Variants in ITPRIP observed in about 807,000 individuals in gnomAD.
ITPRIP encodes the protein inositol 1,4,5-trisphosphate receptor interacting protein, also known as inositol 1,4,5-trisphosphate receptor-interacting protein.
Under a neutral mutation model 35.8 loss-of-function variants are expected in ITPRIP, and 32 were observed. That is an observed-to-expected ratio of 0.89 (90% confidence interval 0.68 to 1.20). ITPRIP has a LOEUF of 1.20. ITPRIP is among the 50% of genes most tolerant of loss of function. ITPRIP has a pLI of 0.00. For synonymous variants in ITPRIP, 358 were observed against 324.0 expected, an observed-to-expected ratio of 1.11 and a Z score of -1.13; for missense variants, 653 against 735.6, an observed-to-expected ratio of 0.89 and a Z score of 1.30.
rs2013578530 is a variant in ITPRIP, at chr10:104,314,565, C to T, written c.1487G>A (p.Arg496Lys). 3 of 1,614,076 alleles carry T rather than the reference C, an allele frequency of 1.9e-6. No homozygotes were observed. The Admixed American group carries it at 5.0e-5, about 27-fold the overall frequency. Residue 496 changes from arginine to lysine, a missense_variant, in exon 2 of 2, where the codon AGG becomes AAG. Coordinates refer to ENST00000337478, the MANE Select transcript of ITPRIP (RefSeq NM_001272013.2). ...CCGGAAGAGGTTGAGGGGCTCGGCC[C>T]TGAGCACGGCCTCAGGGAGTCCCAT... Reference protein sequence around the residue: ...EAMGLPEAVLRAEPLNLFRPF... With the variant: ...EAMGLPEAVLKAEPLNLFRPF...
intron 1 of ITPRIP, among the ~76,000 whole-genome samples, chr10:104,331,637 T>G (rs954388554): frequency 6.6e-6 from 1 of 152,194 alleles, no homozygotes; most frequent in Non-Finnish European, 1.5e-5. Flanking sequence ...AAGTGAGTCA[T>G]TTGATAATTG....
rs1211332977 is a variant in ITPRIP, at chr10:104,328,668, G to A, written c.-14+9578C>T. Among the ~76,000 whole-genome samples the A allele has an allele frequency of 6.6e-6, 1 of 151,926 alleles. No individual in the cohort carries two copies. Among genetic ancestry groups the A allele is most frequent in the Non-Finnish European group, 1.5e-5 (1 of 67,998 alleles). ...TTTCCCCCTTTCACTGAGAAACTAGGATGGATGGAATTAAATAAAGGGCCA... is the reference window on the plus strand; with the variant it reads ...TTTCCCCCTTTCACTGAGAAACTAGAATGGATGGAATTAAATAAAGGGCCA... On this transcript the variant is annotated intron_variant, in intron 1 of 1. Transcript: ENST00000337478. The surrounding 1 kb of genome is among the most constrained non-coding windows in gnomAD (Gnocchi z 4.1).
chr10:104,315,177 G>A lies in ITPRIP; in HGVS notation c.875C>T (p.Ser292Phe), dbSNP rs536607198. Residue 292 changes from serine to phenylalanine, a missense_variant, in exon 2 of 2, where the codon TCC (serine) becomes TTC (phenylalanine). Physicochemically the swap from Ser to Phe is radical, Grantham distance 155 (BLOSUM62 -2). Coordinates refer to ENST00000337478, the MANE Select transcript of ITPRIP (RefSeq NM_001272013.2). The surrounding 1 kb of genome is among the most constrained non-coding windows in gnomAD (Gnocchi z 5.7). Reference protein sequence around the residue: ...DMENLLCATDSLYLDTMQVMK... With the variant: ...DMENLLCATDFLYLDTMQVMK... ...GACCTGCATCGTGTCCAGGTACAGGGAATCTGTGGCACACAGCAGGTTCTC... is the reference window on the plus strand; with the variant it reads ...GACCTGCATCGTGTCCAGGTACAGGAAATCTGTGGCACACAGCAGGTTCTC... 6.2e-7 allele frequency: 1 copy of A among 1,614,150 alleles called. No homozygotes were observed. The highest frequency in any genetic ancestry group is 8.5e-7 in the Non-Finnish European group (1 of 1,179,998).
chr10:104,318,956 G>A (rs1343088886), intron 1 of ITPRIP, among the ~76,000 whole-genome samples: 4 of 152,286 alleles, frequency 2.6e-5, no homozygotes, highest in African/African-American at 9.6e-5. Context: ...GGGGTTCAGG[G>A]CGGAGTGCGC....
At position 104,314,344 on chromosome 10, in the gene ITPRIP, C is replaced by G; in HGVS notation, c.*64G>C. The G allele has an allele frequency of 6.5e-7, 1 of 1,544,964 alleles. No homozygotes were observed. Among genetic ancestry groups the G allele is most frequent in the Non-Finnish European group, 8.7e-7 (1 of 1,145,756 alleles). On this transcript the variant is annotated 3_prime_UTR_variant, in exon 2 of 2. Coordinates refer to ENST00000337478, the MANE Select transcript of ITPRIP (RefSeq NM_001272013.2). ...CCAGAACAGGGCTGGCAGATGCCAC[C>G]AGGGGTGTGAACGTGAGGGATGCCC...
chr10:104,324,395 A>G (rs2013934629), intron 1 of ITPRIP, among the ~76,000 whole-genome samples: 1 of 152,264 alleles, frequency 6.6e-6, no homozygotes, highest in African/African-American at 2.4e-5. Context: ...AGGGAGGGAC[A>G]GGCAAAGAAA....
Position 104,314,261 on chromosome 10 carries a change from T to C in ITPRIP, c.*147A>G, listed in dbSNP as rs1311933595. 2.0e-6 allele frequency: 3 copies of C among 1,486,890 alleles called. No individual in the cohort carries two copies. Among genetic ancestry groups the C allele is most frequent in the African/African-American group, 2.8e-5 (2 of 71,062 alleles). 92.1% of individuals were successfully genotyped at this position (1,486,890 alleles called of 1,614,324 possible). On this transcript the variant is annotated 3_prime_UTR_variant, in exon 2 of 2. Coordinates refer to ENST00000337478, the MANE Select transcript of ITPRIP (RefSeq NM_001272013.2). ...CGTTGAAATTCTGTTTCCTCTGCACTGTAGGGCTTGGCTTCCTGGCAGGCT... is the reference window on the plus strand; with the variant it reads ...CGTTGAAATTCTGTTTCCTCTGCACCGTAGGGCTTGGCTTCCTGGCAGGCT...
chr10:104,315,730 G>A lies in ITPRIP; in HGVS notation c.322C>T (p.Gln108Ter), dbSNP rs1426595211. 19 of 1,613,616 alleles carry A rather than the reference G, an allele frequency of 1.2e-5. No individual in the cohort carries two copies. Among genetic ancestry groups the A allele is most frequent in the Non-Finnish European group, 1.4e-5 (17 of 1,179,998 alleles). Residue 108 changes from glutamine (Q) to a stop codon, truncating the protein, a stop_gained, in exon 2 of 2, where the codon CAG becomes TAG. Transcript: ENST00000337478. LOFTEE classifies it high-confidence loss of function. The surrounding 1 kb of genome is among the most constrained non-coding windows in gnomAD (Gnocchi z 5.7). ...AGGCACTCAGGTGAGGGCCCCTCCT[G>A]GTGGTCCTGCCGCCACACCTCGATC... ...LMIEVWRQDH[Q>*]EGPSPECLGG... is the part of the protein sequence containing the mutation.
chr10:104,335,296 C>T (rs1382050526), intron 1 of ITPRIP, among the ~76,000 whole-genome samples: 2 of 152,110 alleles, frequency 1.3e-5, no homozygotes, highest in Non-Finnish European at 2.9e-5. Context: ...GGTTCTTGGA[C>T]GAACTTGAGA....
chr10:104,330,127 T>C (rs900482451), intron 1 of ITPRIP, among the ~76,000 whole-genome samples: 1 of 152,200 alleles, frequency 6.6e-6, no homozygotes, highest in Non-Finnish European at 1.5e-5. Context: ...AGCTCTTCCA[T>C]TAGGTTCTGA....
Position 104,314,021 on chromosome 10 carries a change from C to T in ITPRIP, c.*387G>A, listed in dbSNP as rs2282091. ...TTCCCTGTCAGCATTCTTGTAGATCCTCTGCTCATATTCAAGTACAGACTG... is the reference window on the plus strand; with the variant it reads ...TTCCCTGTCAGCATTCTTGTAGATCTTCTGCTCATATTCAAGTACAGACTG... On this transcript the variant is annotated 3_prime_UTR_variant, in exon 2 of 2. Coordinates refer to ENST00000337478, the MANE Select transcript of ITPRIP (RefSeq NM_001272013.2). 0.033 allele frequency: 32,962 copies of T among 1,011,548 alleles called. 2,363 individuals are homozygous for T. Among genetic ancestry groups the T allele is most frequent in the African/African-American group, 0.27 (15,387 of 57,776 alleles). The allele number at this position is 1,011,548 out of a possible 1,614,324, so 62.7% of individuals were successfully genotyped here.
chr10:104,314,114 C>A lies in ITPRIP; in HGVS notation c.*294G>T. On this transcript the variant is annotated 3_prime_UTR_variant, in exon 2 of 2. Transcript: ENST00000337478. ...ATTGTCTCTAACTCAGGGTCCACAG[C>A]GTGTTCTGCCACCATCTTGGCCATT... 8.4e-7 allele frequency: 1 copy of A among 1,192,628 alleles called. No individual in the cohort carries two copies. The highest frequency in any genetic ancestry group is 1.0e-6 in the Non-Finnish European group (1 of 958,708). The allele number at this position is 1,192,628 out of a possible 1,614,324, so 73.9% of individuals were successfully genotyped here.
intron 1 of ITPRIP, among the ~76,000 whole-genome samples, chr10:104,334,261 C>A (rs569765875): frequency 6.6e-6 from 1 of 152,190 alleles, no homozygotes; most frequent in South Asian, 2.1e-4. Context: ...CTGAGGCAGC[C>A]GAAGCAGGCA....
chr10:104,328,078 G>C lies in ITPRIP; in HGVS notation c.-14+10168C>G, dbSNP rs931556006. 2.0e-5 allele frequency among the ~76,000 whole-genome samples: 3 copies of C among 152,180 alleles called. No homozygotes were observed. The highest frequency in any genetic ancestry group is 4.4e-5 in the Non-Finnish European group (3 of 68,026). ...CCCACAGCTCACACCATGCACTGGA[G>C]GCACCACTTTCACAAGACAGTTCCC... On this transcript the variant is annotated intron_variant, in intron 1 of 1. Coordinates refer to ENST00000337478, the MANE Select transcript of ITPRIP (RefSeq NM_001272013.2). This position sits in a 1 kb window ranked among gnomAD's most constrained non-coding sequence, Gnocchi z 4.1.
At position 104,328,355 on chromosome 10, in the gene ITPRIP, T is replaced by G; in HGVS notation, c.-14+9891A>C. On this transcript the variant is annotated intron_variant, in intron 1 of 1. Transcript: ENST00000337478. The surrounding 1 kb of genome is among the most constrained non-coding windows in gnomAD (Gnocchi z 4.1). ...TTTGGAGAGAGCATGAATACCCACC[T>G]TGGGGCAGGACATGCCAGAGTTCCC... 6 of 922,066 alleles carry G rather than the reference T, an allele frequency of 6.5e-6. No homozygotes were observed. The highest frequency in any genetic ancestry group is 7.8e-6 in the Non-Finnish European group (6 of 772,200). 57.1% of individuals were successfully genotyped at this position (922,066 alleles called of 1,614,324 possible). A position where few individuals can be genotyped will look rare whatever the true frequency, so the allele number is the denominator to read the frequency against.
intron 1 of ITPRIP, among the ~76,000 whole-genome samples, chr10:104,321,253 C>A (rs111306594): frequency 6.6e-6 from 1 of 152,184 alleles, no homozygotes; most frequent in Non-Finnish European, 1.5e-5. Flanking sequence ...GGTCACTTGG[C>A]GGGCTTTTTT....
intron 1 of ITPRIP, among the ~76,000 whole-genome samples, chr10:104,332,099 T>C (rs948811545): frequency 2.8e-4 from 43 of 152,352 alleles, no homozygotes; most frequent in African/African-American, 1.0e-3. Flanking sequence ...GGCAAGTCCC[T>C]CTGAGTCTGT....
intron 1 of ITPRIP, among the ~76,000 whole-genome samples, chr10:104,325,913 G>A (rs1157500205): frequency 6.6e-6 from 1 of 152,318 alleles, no homozygotes; most frequent in African/African-American, 2.4e-5. Flanking sequence ...GGGTCAGTCT[G>A]GACTCTGGTG....
rs571197434 is a variant in ITPRIP, at chr10:104,315,953, G to A, written c.99C>T (p.Asn33=). The A allele has an allele frequency of 1.2e-5, 20 of 1,613,826 alleles. No homozygotes were observed. Among genetic ancestry groups the A allele is most frequent in the East Asian group, 2.2e-5 (1 of 44,874 alleles). Residue 33 remains asparagine (N), a synonymous_variant, in exon 2 of 2, where the codon AAC becomes AAT. Coordinates refer to ENST00000337478, the MANE Select transcript of ITPRIP (RefSeq NM_001272013.2). This position sits in a 1 kb window ranked among gnomAD's most constrained non-coding sequence, Gnocchi z 5.7. ...FPRENATVPE[N]EEEIIRKMQA... is the part of the protein sequence containing the mutation. The stretch of plus-strand genomic sequence containing the variant: ...GCATCTTGCGGATGATCTCCTCCTC[G>A]TTCTCGGGGACTGTGGCGTTCTCCC...
Sources: allele counts gnomAD v4.1 joint callset (sites outside exome capture counted in the v4.1 genomes callset), GRCh38; gene constraint gnomAD v4.1.1; non-coding constraint Gnocchi (gnomAD v3.1); transcripts MANE v1.5; gene names NCBI Gene and HGNC (gene_info 2026-07-23, HGNC 2026-07-21).